The following DIP2C variants were observed in gnomAD, a reference collection of about 807,000 sequenced individuals.
The protein encoded by DIP2C is disco-interacting protein 2 homolog C.
DIP2C carries 33 observed loss-of-function variants against 192.4 expected under a neutral mutation model. The observed-to-expected ratio is 0.17, with a 90% CI of 0.13 to 0.23. The LOEUF is 0.23. DIP2C is among the 10% of genes least tolerant of loss of function. The pLI, the probability that DIP2C is intolerant of heterozygous loss-of-function variation, is 1.00. For missense variants in DIP2C, 1,537 were observed against 2,110.1 expected (o/e 0.73, Z 5.32); for synonymous variants, 979 against 864.1 (o/e 1.13, Z -2.33).
chr10:583,402 A>G (rs533864554), intron 1 of DIP2C, among the ~76,000 whole-genome samples: 13 of 152,360 alleles, frequency 8.5e-5, no homozygotes, highest in Middle Eastern at 3.4e-3. Flanking sequence ...ATTAAAAGGC[A>G]ATTCATTATC....
intron 8 of DIP2C, among the ~76,000 whole-genome samples, chr10:410,488 T>C (rs1319777315): frequency 6.6e-6 from 1 of 152,222 alleles, no homozygotes; most frequent in African/African-American, 2.4e-5. Flanking sequence ...TTTATTTTCC[T>C]GGAAAAGATC....
At chr10:568,658 C>G (rs999949023) in intron 1 of DIP2C, among the ~76,000 whole-genome samples, 3 of 148,902 alleles carry the variant, frequency 2.0e-5, no homozygotes, top group Admixed American at 6.8e-5. Flanking sequence ...CCCAGCTACT[C>G]GGGAGGCTGA....
In DIP2C at chr10:390,853, C is replaced by T. The variant is rs760537373; in HGVS notation, c.1271G>A (p.Ser424Asn). The change falls in exon 11 of 37, where the codon AGC becomes AAC. Residue 424 changes from serine (S) to asparagine (N), a missense_variant. By Grantham distance (46) the Ser-to-Asn change is conservative. Around this residue, in one of 4 missense-constraint regions of DIP2C, gnomAD observed 677 missense variants for 989.9 expected, o/e 0.68. Coordinates refer to ENST00000280886, the MANE Select transcript of DIP2C (RefSeq NM_014974.3). ...EVPLTRKDAGSQQIGFLLGSC... is the reference protein window; with the variant it reads ...EVPLTRKDAGNQQIGFLLGSC... ...TCCAAGCAAGAAACCTATCTGCTGG[C>T]TCCCTGCGTCCTGAGAGGGCAACAG... The T allele has an allele frequency of 6.2e-7, 1 of 1,614,046 alleles. No individual in the cohort carries two copies. Among genetic ancestry groups the T allele is most frequent in the Admixed American group, 1.7e-5 (1 of 60,014 alleles).
chr10:597,160 G>A (rs1420424118), intron 1 of DIP2C, among the ~76,000 whole-genome samples: 2 of 152,212 alleles, frequency 1.3e-5, no homozygotes, highest in South Asian at 2.1e-4. Context: ...CCACCTGTCT[G>A]GCTGCAGGCC....
intron 1 of DIP2C, among the ~76,000 whole-genome samples, chr10:567,822 G>T (rs1203843076): frequency 2.0e-5 from 3 of 152,030 alleles, no homozygotes; most frequent in South Asian, 2.1e-4. Context: ...TTGAGACAGG[G>T]TCTCACCATT....
intron 1 of DIP2C, chr10:664,669 T>C (rs1203500525): frequency 6.6e-6 from 1 of 152,198 alleles, no homozygotes; most frequent in Non-Finnish European, 1.5e-5. Context: ...AATTTATGTA[T>C]CTCAATTTTT....
At chr10:401,853 T>A (rs1964479572) in intron 9 of DIP2C, among the ~76,000 whole-genome samples, 3 of 151,716 alleles carry the variant, frequency 2.0e-5, no homozygotes, top group Admixed American at 6.6e-5. Flanking sequence ...TTAGCATTAC[T>A]CTTCCTTATG....
Position 384,271 on chromosome 10 carries a change from C to CT in DIP2C, c.1757-126dup, listed in dbSNP as rs35461394. 2,027 of 301,160 alleles carry CT rather than the reference C, an allele frequency of 6.7e-3. 5 individuals carry two copies. Among genetic ancestry groups the CT allele is most frequent in the South Asian group, 0.013 (450 of 34,178 alleles). The allele number at this position is 301,160 out of a possible 1,614,324, so 18.7% of individuals were successfully genotyped here. A position where few individuals can be genotyped will look rare whatever the true frequency, so the allele number is the denominator to read the frequency against. ...CACTGGTCACCCAGCCCCCACAAAC[C>CT]TTTTTTTTTTTTTTTTTTTTTTTTT... is the stretch of plus-strand genomic sequence containing the variant. On this transcript the variant is annotated intron_variant, in intron 15 of 36. Coordinates refer to ENST00000280886, the MANE Select transcript of DIP2C (RefSeq NM_014974.3).
At chr10:286,938 G>C (rs1402972182) in intron 33 of DIP2C, among the ~76,000 whole-genome samples, 1 of 152,218 alleles carries the variant, frequency 6.6e-6, no homozygotes, top group Non-Finnish European at 1.5e-5. Context: ...GGTGGTGCCA[G>C]AAGGGAAAGA....
At chr10:354,521 C>A (rs1958980495) in intron 24 of DIP2C, among the ~76,000 whole-genome samples, 1 of 152,166 alleles carries the variant, frequency 6.6e-6, no homozygotes, top group South Asian at 2.1e-4. Flanking sequence ...ATGTCTGAAT[C>A]TTTGCGTATA....
chr10:645,624 T>C (rs1855408714), intron 1 of DIP2C, among the ~76,000 whole-genome samples: 1 of 152,154 alleles, frequency 6.6e-6, no homozygotes, highest in Non-Finnish European at 1.5e-5. Flanking sequence ...TTTTCCAGAA[T>C]GAAAAAATAC....
chr10:449,504 G>C (rs1331084558), intron 3 of DIP2C, among the ~76,000 whole-genome samples: 1 of 152,058 alleles, frequency 6.6e-6, no homozygotes, highest in East Asian at 1.9e-4. Context: ...GTCCTGAAAA[G>C]TGAGTATCTT....
chr10:579,718 C>T (rs1026517447), intron 1 of DIP2C, among the ~76,000 whole-genome samples: 107 of 152,104 alleles, frequency 7.0e-4, no homozygotes, highest in African/African-American at 2.4e-3. Context: ...GTACACACAT[C>T]CATATCAATA....
In DIP2C at chr10:608,104, AACACACACACC is replaced by A. The variant is rs201113911; in HGVS notation, c.85+81379_85+81389del. Among the ~76,000 whole-genome samples the A allele has an allele frequency of 1.2e-3, 171 of 145,640 alleles. 2 individuals are homozygous for A. The highest frequency in any genetic ancestry group is 4.1e-3 in the African/African-American group (155 of 37,510). The stretch of plus-strand genomic sequence containing the variant: ...ACCTCCCTCTCATAACCTAAAAAGG[AACACACACACC>A]ACACACACAGCCCCAACACACACAC... On this transcript the variant is annotated intron_variant, in intron 1 of 36. Coordinates refer to ENST00000280886, the MANE Select transcript of DIP2C (RefSeq NM_014974.3).
intron 1 of DIP2C, among the ~76,000 whole-genome samples, chr10:577,850 GA>G (rs1469244662): frequency 6.6e-6 from 1 of 150,436 alleles, no homozygotes; most frequent in African/African-American, 2.5e-5. Context: ...CACAAAAGAA[GA>G]AAGAACTTAA....
chr10:422,177 T>C (rs564601608), intron 5 of DIP2C, among the ~76,000 whole-genome samples: 238 of 152,296 alleles, frequency 1.6e-3, no homozygotes, highest in Non-Finnish European at 2.2e-3. Context: ...CACAAAACCC[T>C]ATTCAACCCA....
chr10:518,274 G>A (rs1773479), intron 1 of DIP2C, among the ~76,000 whole-genome samples: 3,421 of 152,330 alleles, frequency 0.022, 131 homozygotes, highest in African/African-American at 0.078. Flanking sequence ...TGACTCCTTC[G>A]TGAAAAGCGG....
At chr10:378,873 A>G (rs981549873) in intron 17 of DIP2C, among the ~76,000 whole-genome samples, 20 of 150,938 alleles carry the variant, frequency 1.3e-4, no homozygotes, top group African/African-American at 4.9e-4. Flanking sequence ...AGACATGCCT[A>G]GACACACGTG....
At chr10:380,548 C>T (rs1391070947) in intron 17 of DIP2C, among the ~76,000 whole-genome samples, 3 of 152,264 alleles carry the variant, frequency 2.0e-5, no homozygotes, top group South Asian at 2.1e-4. Context: ...CGGCCATCCT[C>T]GAACCCATCC....
Sources: allele counts gnomAD v4.1 joint callset (sites outside exome capture counted in the v4.1 genomes callset), GRCh38; gene constraint gnomAD v4.1.1; regional missense constraint gnomAD v4.1.1; transcripts MANE v1.5; gene names NCBI Gene and HGNC (gene_info 2026-07-23, HGNC 2026-07-21).